The following LITAF variants were observed in gnomAD, a reference collection of about 807,000 sequenced individuals.
LITAF encodes lipopolysaccharide induced TNF factor, also known as lipopolysaccharide-induced tumor necrosis factor-alpha factor.
A neutral mutation model predicts 14.5 loss-of-function variants in LITAF; 9 were observed. The observed-to-expected ratio is 0.62, with a 90% CI of 0.37 to 1.08. LITAF has a LOEUF of 1.08. LITAF is among the 50% of genes least tolerant of loss of function. The pLI, the probability that LITAF is intolerant of heterozygous loss-of-function variation, is 0.01. For synonymous variants in LITAF, 98 were observed against 88.2 expected (o/e 1.11, Z -0.62); for missense variants, 206 against 213.4 (o/e 0.97, Z 0.22).
At chr16:11,567,101 A>C (rs2064462290) in intron 1 of LITAF, among the ~76,000 whole-genome samples, 2 of 152,166 alleles carry the variant, frequency 1.3e-5, no homozygotes, top group African/African-American at 4.8e-5. Context: ...ATGTCCAGGC[A>C]GGAGGAGATC....
chr16:11,559,536 A>C (rs936949175), intron 1 of LITAF, among the ~76,000 whole-genome samples: 6 of 152,138 alleles, frequency 3.9e-5, no homozygotes, highest in African/African-American at 1.4e-4. Context: ...ATAGAATGTC[A>C]ATGTAAAAAT....
chr16:11,638,098 A>G (rs1391399710), upstream of LITAF, among the ~76,000 whole-genome samples: 2 of 135,452 alleles, frequency 1.5e-5, no homozygotes, highest in Non-Finnish European at 3.1e-5. Context: ...CTATCTATCT[A>G]TATATATATA....
At chr16:11,593,079 G>T (rs889114284) in intron 1 of LITAF, among the ~76,000 whole-genome samples, 6 of 152,188 alleles carry the variant, frequency 3.9e-5, no homozygotes, top group African/African-American at 1.4e-4. Flanking sequence ...GCTGAGGTAG[G>T]AGAATGGCAT....
chr16:11,574,422 G>C (rs1296364821), intron 1 of LITAF, among the ~76,000 whole-genome samples: 3 of 152,180 alleles, frequency 2.0e-5, no homozygotes, highest in African/African-American at 7.2e-5. Context: ...TGTCGGGAAG[G>C]GAACCAGGTG....
At chr16:11,561,423 T>G (rs999134298) in intron 1 of LITAF, 4 of 152,332 alleles carry the variant, frequency 2.6e-5, no homozygotes, top group Admixed American at 2.6e-4. Context: ...CCCCAGTTTC[T>G]CGTTTTGGAA....
upstream of LITAF, among the ~76,000 whole-genome samples, chr16:11,638,736 A>C (rs1597380246): frequency 7.0e-6 from 1 of 142,112 alleles, no homozygotes; most frequent in Non-Finnish European, 1.5e-5. Flanking sequence ...AAAAAAAAAA[A>C]AAAAACCCTG....
chr16:11,613,113 C>T (rs1371641691), intron 3 of LITAF, among the ~76,000 whole-genome samples: 1 of 152,150 alleles, frequency 6.6e-6, no homozygotes, highest in Non-Finnish European at 1.5e-5. Flanking sequence ...AATGTCGACT[C>T]ACTGTAACCT....
chr16:11,636,836 T>C (rs1326230636), upstream of LITAF, among the ~76,000 whole-genome samples: 2 of 152,154 alleles, frequency 1.3e-5, no homozygotes, highest in Non-Finnish European at 2.9e-5. Flanking sequence ...CACCGAGGAC[T>C]CTGTTGCCCT....
chr16:11,593,954 G>A (rs550609827), intron 1 of LITAF, among the ~76,000 whole-genome samples: 3 of 152,180 alleles, frequency 2.0e-5, no homozygotes, highest in South Asian at 2.1e-4. Flanking sequence ...AGGCAGGCGA[G>A]TTGCTTGAGG....
At chr16:11,588,869 T>TCCC (rs1294990200), upstream of LITAF, among the ~76,000 whole-genome samples, 2 of 151,688 alleles carry the variant, frequency 1.3e-5, no homozygotes, top group African/African-American at 4.9e-5. Flanking sequence ...CCTTCCTTCC[T>TCCC]TCCTTCCTCC....
At chr16:11,626,836 T>C (rs1041095529) in intron 3 of LITAF, among the ~76,000 whole-genome samples, 1 of 152,024 alleles carries the variant, frequency 6.6e-6, no homozygotes, top group African/African-American at 2.4e-5. Flanking sequence ...CTGGTGAAAA[T>C]TTATTTCTTC....
chr16:11,611,330 G>A lies in LITAF; in HGVS notation c.85+22203C>T, dbSNP rs564366473. Reference sequence around the variant, plus strand: ...TACACTCCAGCCTGGGCAACAGAACGAGACCCTGTCTGCAAAACATATATA... The same window carrying A: ...TACACTCCAGCCTGGGCAACAGAACAAGACCCTGTCTGCAAAACATATATA... On this transcript the variant is annotated intron_variant, in intron 3 of 3. Coordinates refer to the LITAF transcript ENST00000574848. Among the ~76,000 whole-genome samples, 352 of 152,232 alleles carry A rather than the reference G, an allele frequency of 2.3e-3. 1 individual carries two copies. Among genetic ancestry groups the A allele is most frequent in the Non-Finnish European group, 4.1e-3 (282 of 68,000 alleles).
upstream of LITAF, chr16:11,587,254 C>A (rs1415074725): frequency 5.0e-6 from 2 of 402,038 alleles, no homozygotes; most frequent in Non-Finnish European, 5.0e-6. Context: ...CCTGGCCCTC[C>A]CTCCTGATTT....
chr16:11,619,854 C>CAGAAATTTTTTGTTTTTG (rs1316465804), intron 3 of LITAF, among the ~76,000 whole-genome samples: 3 of 152,212 alleles, frequency 2.0e-5, no homozygotes, highest in African/African-American at 7.2e-5. Context: ...ATATTTGTCC[C>CAGAAATTTTTTGTTTTTG]AGACCACATC....
chr16:11,611,290 C>A (rs1160164035), intron 3 of LITAF, among the ~76,000 whole-genome samples: 1 of 152,148 alleles, frequency 6.6e-6, no homozygotes, highest in African/African-American at 2.4e-5. Flanking sequence ...CTGCAATGAG[C>A]CACGATCACC....
chr16:11,548,397 G>C lies in LITAF; in HGVS notation c.*1240C>G, dbSNP rs1049848474. 33 of 453,864 alleles carry C rather than the reference G, an allele frequency of 7.3e-5. No individual in the cohort carries two copies. The highest frequency in any genetic ancestry group is 1.2e-4 in the Non-Finnish European group (28 of 226,778). 28.1% of individuals were successfully genotyped at this position (453,864 alleles called of 1,614,324 possible). On this transcript the variant is annotated 3_prime_UTR_variant, in exon 4 of 4. Coordinates refer to ENST00000622633, the MANE Select transcript of LITAF (RefSeq NM_001136472.2). ...CTAAAATCAGACTTTAGATTCCTCT[G>C]AAACAGTTCTGGTTCCCAAGCATCC... is the stretch of plus-strand genomic sequence containing the variant.
chr16:11,616,057 AATAC>A (rs2065017719), intron 3 of LITAF, among the ~76,000 whole-genome samples: 1 of 152,190 alleles, frequency 6.6e-6, no homozygotes, highest in Admixed American at 6.5e-5. Flanking sequence ...CAGGTTGCCA[AATAC>A]ATCCACTACC....
At chr16:11,621,089 C>T (rs577127273) in intron 3 of LITAF, among the ~76,000 whole-genome samples, 123 of 149,884 alleles carry the variant, frequency 8.2e-4, no homozygotes, top group South Asian at 1.9e-3. Context: ...GATGGAGTTT[C>T]GCTCTTGTTG....
At chr16:11,582,717 C>G (rs979962012) in intron 1 of LITAF, among the ~76,000 whole-genome samples, 1 of 152,144 alleles carries the variant, frequency 6.6e-6, no homozygotes, top group Admixed American at 6.5e-5. Flanking sequence ...AGTTTGTAAA[C>G]AAGAAAGAGA....
Sources: gnomAD v4.1 joint callset for allele counts (sites outside exome capture counted in the v4.1 genomes callset) on GRCh38, gnomAD v4.1.1 for gene constraint, MANE v1.5 for transcripts, NCBI Gene and HGNC (gene_info 2026-07-23, HGNC 2026-07-21) for gene names.